Variants in SSB observed in about 807,000 individuals in gnomAD.
SSB encodes lupus La protein.
In SSB, 17 loss-of-function variants were observed where a neutral mutation model predicts 52.9. That is an observed-to-expected ratio of 0.32 (90% CI 0.22 to 0.48). SSB has a LOEUF of 0.48. Ranked by LOEUF, SSB falls within the 20% of genes least tolerant of loss-of-function variation. The pLI, the probability that SSB is intolerant of heterozygous loss-of-function variation, is 0.99. For synonymous variants in SSB, 111 were observed against 152.1 expected (o/e 0.73, Z 1.99); for missense variants, 314 against 463.6 (o/e 0.68, Z 2.96).
intron 4 of SSB, 163 bp from the exon 5 acceptor site, chr2:169,806,622 G>A (rs771693588): frequency 1.4e-5 from 8 of 568,184 alleles, no homozygotes; most frequent in Middle Eastern, 8.1e-4. Context: ...GTACTGGAGA[G>A]TAGTGGCTCC....
intron 2 of SSB, among the ~76,000 whole-genome samples, chr2:169,804,746 A>G (rs1240657246): frequency 6.6e-6 from 1 of 152,002 alleles, no homozygotes; most frequent in East Asian, 1.9e-4. Flanking sequence ...GGGTTTGACC[A>G]TGTCGGCCAG....
chr2:169,803,744 T>G (rs1468783783), intron 2 of SSB, among the ~76,000 whole-genome samples: 1 of 151,948 alleles, frequency 6.6e-6, no homozygotes, highest in Non-Finnish European at 1.5e-5. Context: ...GTGTCTTTTT[T>G]TTTTTTAAGA....
At chr2:169,808,338 A>G (rs1417026966) in intron 6 of SSB, 144 bp from the exon 7 acceptor site, 2 of 591,500 alleles carry the variant, frequency 3.4e-6, no homozygotes, top group East Asian at 3.0e-5. Flanking sequence ...ATTCCTTGGC[A>G]TATTTTGAAT....
chr2:169,811,531 A>T, intron 11 of SSB, 137 bp from the exon 12 acceptor site: 3 of 1,328,938 alleles, frequency 2.3e-6, no homozygotes, highest in Non-Finnish European at 3.0e-6. Flanking sequence ...GTCTGTACTA[A>T]GAGAAAAGCC....
intron 2 of SSB, among the ~76,000 whole-genome samples, chr2:169,803,069 T>C (rs1689744904): frequency 6.6e-6 from 1 of 152,244 alleles, no homozygotes. Context: ...AAAACACTGA[T>C]AATTGTCAGT....
In SSB at chr2:169,805,501, C is replaced by A. The variant is rs566356422; in HGVS notation, c.94C>A (p.Arg32=). Reference sequence around the variant, plus strand: ...TTATTTTGGCGACTTCAATTTGCCACGGGACAAGTTTCTAAAGGAACAGAT... The same window carrying A: ...TTATTTTGGCGACTTCAATTTGCCAAGGGACAAGTTTCTAAAGGAACAGAT... ...EYYFGDFNLP[R]DKFLKEQIKL... is the part of the protein sequence containing the mutation. The change falls in exon 3 of 12, where the codon CGG becomes AGG. Residue 32 remains arginine, a synonymous_variant. Transcript: ENST00000260956. The A allele has an allele frequency of 6.2e-7, 1 of 1,613,374 alleles. No homozygotes were observed. Among genetic ancestry groups the A allele is most frequent in the Non-Finnish European group, 8.5e-7 (1 of 1,179,922 alleles).
At chr2:169,799,068 G>GGCGT (rs1558967782) in intron 1 of SSB, 92 bp downstream of exon 1, 1 of 152,116 alleles carries the variant, frequency 6.6e-6, no homozygotes. Context: ...TGCTTCTCGC[G>GGCGT]GCGTCCGTCC....
intron 8 of SSB, among the ~76,000 whole-genome samples, chr2:169,809,661 G>A (rs1472468255): frequency 6.6e-6 from 1 of 151,740 alleles, no homozygotes; most frequent in Non-Finnish European, 1.5e-5. Flanking sequence ...TGCCCAGGCT[G>A]GAGTGCAGTG....
At position 169,805,861 on chromosome 2, in the gene SSB, T is replaced by G. The variant is rs375367945; in HGVS notation, c.345+22T>G. ...TATTGTAAGTGGGCCTGTAATGCAT[T>G]TAAATATCTTACATTTATTTAGAAA... On this transcript the variant is annotated intron_variant, in intron 4 of 11. Coordinates refer to ENST00000260956, the MANE Select transcript of SSB (RefSeq NM_003142.5). The G allele has an allele frequency of 7.8e-5, 125 of 1,592,566 alleles. No homozygotes were observed. Among genetic ancestry groups the G allele is most frequent in the Non-Finnish European group, 8.7e-5 (102 of 1,166,412 alleles).
chr2:169,805,080 A>G (rs1689800669), intron 2 of SSB, among the ~76,000 whole-genome samples: 1 of 152,124 alleles, frequency 6.6e-6, no homozygotes, highest in South Asian at 2.1e-4. Flanking sequence ...CGGCAAGCTG[A>G]GTTCATGCCA....
chr2:169,810,747 C>G, intron 9 of SSB, 111 bp from the exon 10 acceptor site: 4 of 1,061,570 alleles, frequency 3.8e-6, no homozygotes, highest in Non-Finnish European at 5.4e-6. Flanking sequence ...TTCATTCAAA[C>G]TGGTAAAGAC....
intron 1 of SSB, 33 bp from the exon 2 acceptor site, chr2:169,800,919 A>C (rs890748796): frequency 1.3e-6 from 2 of 1,496,128 alleles, no homozygotes; most frequent in Non-Finnish European, 1.8e-6. Context: ...TTATATAAAA[A>C]ATAACTTTAT....
chr2:169,800,823 C>G, intron 1 of SSB, 129 bp from the exon 2 acceptor site: 1 of 609,748 alleles, frequency 1.6e-6, no homozygotes, highest in Non-Finnish European at 2.6e-6. Flanking sequence ...AGTAAAGAAA[C>G]TGAACCCGTG....
chr2:169,810,536 T>A (rs1689927473), intron 9 of SSB, 113 bp downstream of exon 9: 1 of 1,029,298 alleles, frequency 9.7e-7, no homozygotes, highest in Non-Finnish European at 1.4e-6. Flanking sequence ...AGTTTCTACT[T>A]GATCATTTGT....
chr2:169,807,737 C>T (rs199815520), intron 6 of SSB, among the ~76,000 whole-genome samples: 78 of 73,994 alleles, frequency 1.1e-3, no homozygotes, highest in South Asian at 1.7e-3. Flanking sequence ...GCCTATATGT[C>T]TTTTTTTTTT....
chr2:169,808,155 A>G (rs1251279254), intron 6 of SSB, among the ~76,000 whole-genome samples: 2 of 152,152 alleles, frequency 1.3e-5, no homozygotes, highest in Admixed American at 6.5e-5. Flanking sequence ...TGAAATTGCT[A>G]ATGGATAGGG....
intron 2 of SSB, among the ~76,000 whole-genome samples, chr2:169,803,711 C>T (rs1689758067): frequency 6.6e-6 from 1 of 151,620 alleles, no homozygotes; most frequent in Non-Finnish European, 1.5e-5. Flanking sequence ...GGCAACAAAG[C>T]AAGACCCGAT....
rs771729415 is a variant in SSB at position 169,811,664 on chromosome 2, A to G, written c.1139-4A>G. On this transcript the variant is annotated splice_polypyrimidine_tract_variant and splice_region_variant and intron_variant, in intron 11 of 11. Transcript: ENST00000260956. Reference sequence around the variant, plus strand: ...TTTAACAAAAATTAATTGTTACGTTATAGGACCTGTGAAAAGAGCAAGAGA... The same window carrying G: ...TTTAACAAAAATTAATTGTTACGTTGTAGGACCTGTGAAAAGAGCAAGAGA... 23 of 1,609,878 alleles carry G rather than the reference A, an allele frequency of 1.4e-5. No individual in the cohort carries two copies. The Admixed American group carries it at 2.9e-4, about 20-fold the overall frequency.
chr2:169,801,978 T>TA (rs1204987470), intron 2 of SSB, among the ~76,000 whole-genome samples: 2 of 152,122 alleles, frequency 1.3e-5, no homozygotes, highest in Non-Finnish European at 2.9e-5. Flanking sequence ...GTCCAGGAGT[T>TA]AGAGACCAGC....
Sources: allele counts gnomAD v4.1 joint callset (sites outside exome capture counted in the v4.1 genomes callset), GRCh38; gene constraint gnomAD v4.1.1; transcripts MANE v1.5; gene names NCBI Gene and HGNC (gene_info 2026-07-23, HGNC 2026-07-21).